The following KAZN variants were observed in gnomAD, a reference collection of about 807,000 sequenced individuals.
KAZN encodes kazrin, periplakin interacting protein, also known as kazrin.
In KAZN, 40 loss-of-function variants were observed where a neutral mutation model predicts 87.4. The ratio of observed to expected loss-of-function variants is 0.46; its 90% CI spans 0.36 to 0.60. The LOEUF (loss-of-function observed/expected upper bound fraction) is 0.60. KAZN is among the 20% of genes least tolerant of loss of function. The pLI is 0.00. For synonymous variants in KAZN, 466 were observed against 458.3 expected (o/e 1.02, Z -0.22); for missense variants, 898 against 1,073.9 (o/e 0.84, Z 2.29).
intron 2 of KAZN, among the ~76,000 whole-genome samples, chr1:14,296,872 C>T (rs563026837): frequency 1.3e-5 from 2 of 152,106 alleles, no homozygotes; most frequent in East Asian, 3.9e-4. Flanking sequence ...CCTGATCCAC[C>T]CACCTCGGCT....
At chr1:14,732,804 G>A (rs1042069822) in intron 1 of KAZN, among the ~76,000 whole-genome samples, 1 of 151,956 alleles carries the variant, frequency 6.6e-6, no homozygotes, top group African/African-American at 2.4e-5. Context: ...TGGCCCTACG[G>A]TGCCATGAGA....
intron 1 of KAZN, among the ~76,000 whole-genome samples, chr1:14,038,434 C>A (rs1176439642): frequency 6.6e-6 from 1 of 152,112 alleles, no homozygotes; most frequent in Non-Finnish European, 1.5e-5. Flanking sequence ...ACATCCTGCA[C>A]ATTTAAAGGA....
chr1:14,868,603 C>A (rs1455411733), intron 1 of KAZN, among the ~76,000 whole-genome samples: 7 of 151,704 alleles, frequency 4.6e-5, no homozygotes, highest in African/African-American at 1.7e-4. Flanking sequence ...CCCAGAACAT[C>A]TGGGCAGACT....
exon 2 of KAZN, chr1:14,180,482 G>A (rs1447882855): frequency 1.3e-6 from 2 of 1,550,084 alleles, no homozygotes; most frequent in Non-Finnish European, 1.7e-6. Flanking sequence ...CCATTTTATT[G>A]TCACCAAGTC....
intron 2 of KAZN, among the ~76,000 whole-genome samples, chr1:14,397,981 C>A (rs1021600133): frequency 1.3e-5 from 2 of 152,084 alleles, no homozygotes; most frequent in East Asian, 1.9e-4. Flanking sequence ...AGCCAAAATA[C>A]CTCAGTTAAG....
At chr1:14,661,611 T>TGGCCA (rs932723760) in intron 1 of KAZN, among the ~76,000 whole-genome samples, 1 of 143,780 alleles carries the variant, frequency 7.0e-6, no homozygotes, top group African/African-American at 2.5e-5. Context: ...GCATAGTTTC[T>TGGCCA]GGCCAGGCTC....
At chr1:13,968,460 A>T (rs1397186501) in intron 1 of KAZN, among the ~76,000 whole-genome samples, 1 of 152,198 alleles carries the variant, frequency 6.6e-6, no homozygotes, top group African/African-American at 2.4e-5. Context: ...CCAGCTGCTA[A>T]AAATCTGACT....
At chr1:14,591,822 C>T (rs1422847351) in intron 2 of KAZN, among the ~76,000 whole-genome samples, 4 of 152,104 alleles carry the variant, frequency 2.6e-5, no homozygotes, top group Non-Finnish European at 5.9e-5. Context: ...CCCATGTGTG[C>T]GTGTGTTTCA....
intron 1 of KAZN, among the ~76,000 whole-genome samples, chr1:14,645,208 G>A (rs1265185923): frequency 6.6e-6 from 1 of 152,158 alleles, no homozygotes; most frequent in African/African-American, 2.4e-5. Context: ...CTGTAGCCTT[G>A]TAGTATAGTT....
intron 2 of KAZN, among the ~76,000 whole-genome samples, chr1:14,371,409 C>T (rs757993882): frequency 6.6e-6 from 1 of 152,156 alleles, no homozygotes. Context: ...GGGATCAAGG[C>T]TAAGCCCACC....
chr1:14,112,737 TGA>T (rs928494370), intron 1 of KAZN, among the ~76,000 whole-genome samples: 7 of 152,316 alleles, frequency 4.6e-5, no homozygotes, highest in Non-Finnish European at 7.4e-5. Flanking sequence ...ATTGGAGGCA[TGA>T]GAGAGTGCAG....
At chr1:14,120,195 G>T (rs1644720670) in intron 1 of KAZN, among the ~76,000 whole-genome samples, 1 of 152,102 alleles carries the variant, frequency 6.6e-6, no homozygotes, top group Non-Finnish European at 1.5e-5. Context: ...CTTGGCTTCT[G>T]GGGAGGCCTC....
At chr1:14,496,355 G>A (rs1373928235) in intron 2 of KAZN, among the ~76,000 whole-genome samples, 1 of 152,162 alleles carries the variant, frequency 6.6e-6, no homozygotes. Flanking sequence ...TGAACATTCT[G>A]GGGGGAAGGG....
intron 2 of KAZN, among the ~76,000 whole-genome samples, chr1:14,477,627 G>T (rs749864036): frequency 4.6e-5 from 7 of 152,138 alleles, no homozygotes; most frequent in Non-Finnish European, 1.0e-4. Context: ...ACAAGCTCCT[G>T]GGCCCACTTG....
intron 8 of KAZN, among the ~76,000 whole-genome samples, chr1:15,092,081 T>C (rs1364099779): frequency 6.8e-6 from 1 of 147,900 alleles, no homozygotes; most frequent in Admixed American, 6.7e-5. Context: ...TGATTTTTTT[T>C]TTTTTTTTTT....
Position 14,352,766 on chromosome 1 carries a change from A to C in KAZN, c.249+172174A>C, listed in dbSNP as rs112643830. Among the ~76,000 whole-genome samples, 377 of 152,338 alleles carry C rather than the reference A, an allele frequency of 2.5e-3. 2 individuals carry two copies. Among genetic ancestry groups the C allele is most frequent in the African/African-American group, 8.5e-3 (355 of 41,584 alleles). On this transcript the variant is annotated intron_variant, in intron 2 of 16. Coordinates refer to the KAZN transcript ENST00000636203. ...ATAAATGAAAAATTGCATCCAAACA[A>C]GGACATTACAAGATAAGAAAATTAC...
intron 1 of KAZN, among the ~76,000 whole-genome samples, chr1:14,170,156 A>G (rs558554121): frequency 9.2e-5 from 14 of 152,294 alleles, no homozygotes; most frequent in African/African-American, 3.4e-4. Context: ...CAAACCCCAC[A>G]GGCTCAGTCA....
chr1:14,890,840 C>CT (rs34718502), intron 1 of KAZN, among the ~76,000 whole-genome samples: 39,824 of 69,442 alleles, frequency 0.57, 14,403 homozygotes, highest in Non-Finnish European at 0.72. Context: ...GGAATCTGGA[C>CT]TTTTTTTTTT....
chr1:14,592,591 G>A (rs1051739029), intron 2 of KAZN, among the ~76,000 whole-genome samples: 29 of 152,286 alleles, frequency 1.9e-4, no homozygotes, highest in Admixed American at 3.9e-4. Flanking sequence ...TTCGCTTCGG[G>A]AAACACTGAA....
Sources: gnomAD v4.1 joint callset for allele counts (sites outside exome capture counted in the v4.1 genomes callset) on GRCh38, gnomAD v4.1.1 for gene constraint, MANE v1.5 for transcripts, NCBI Gene and HGNC (gene_info 2026-07-23, HGNC 2026-07-21) for gene names.